Variants in DNAH14 observed in about 807,000 individuals in gnomAD.
DNAH14 encodes the protein dynein axonemal heavy chain 14.
In DNAH14, 478 loss-of-function variants were observed where a neutral mutation model predicts 520.9. That is an observed-to-expected ratio of 0.92 (90% CI 0.85 to 0.99). DNAH14 has a LOEUF of 0.99. DNAH14 is among the 50% of genes least tolerant of loss of function. The pLI is 0.00. For missense variants in DNAH14, 4,831 were observed against 5,234.5 expected (o/e 0.92, Z 2.38); for synonymous variants, 1,581 against 1,757.2 (o/e 0.90, Z 2.51).
chr1:225,381,526 T>C lies in DNAH14; in HGVS notation c.13024T>C (p.Leu4342=). 1 of 1,546,952 alleles carries C rather than the reference T, an allele frequency of 6.5e-7. No individual in the cohort carries two copies. Among genetic ancestry groups the C allele is most frequent in the Non-Finnish European group, 8.7e-7 (1 of 1,145,798 alleles). The change falls in exon 81 of 86, where the codon TTG becomes CTG. Residue 4342 remains leucine, a synonymous_variant. Transcript: ENST00000682510. ...AGGAGAGATCATCCTCACCCAAGAA[T>C]TGGAGGAAATATTTAACTCTTTTCT... The part of the protein sequence containing the change: ...IKGEIILTQE[L]EEIFNSFLNM...
intron 58 of DNAH14, 85 bp from the exon 59 acceptor site, chr1:225,307,376 G>A (rs1315900675): frequency 4.2e-6 from 4 of 951,068 alleles, no homozygotes; most frequent in South Asian, 3.4e-5. Context: ...CCATAATTTG[G>A]TGTAATTCTT....
chr1:225,040,400 T>C (rs1015134694), intron 12 of DNAH14, among the ~76,000 whole-genome samples: 1 of 152,360 alleles, frequency 6.6e-6, no homozygotes, highest in South Asian at 2.1e-4. Context: ...GTGGTAGGAA[T>C]CTTGAGTAAT....
At chr1:224,952,126 G>C (rs78436716) in intron 1 of DNAH14, among the ~76,000 whole-genome samples, 1,669 of 152,178 alleles carry the variant, frequency 0.011, 17 homozygotes, top group Non-Finnish European at 0.016. Context: ...ACTTTATTTA[G>C]AGACTTTCTG....
At chr1:224,941,948 C>T (rs1228008474) in intron 1 of DNAH14, among the ~76,000 whole-genome samples, 1 of 152,186 alleles carries the variant, frequency 6.6e-6, no homozygotes, top group African/African-American at 2.4e-5. Context: ...AGCGTGATGC[C>T]TCCAGCTTTG....
At chr1:225,123,988 G>A (rs1037933119) in intron 27 of DNAH14, among the ~76,000 whole-genome samples, 1 of 151,794 alleles carries the variant, frequency 6.6e-6, no homozygotes, top group Non-Finnish European at 1.5e-5. Context: ...CCTGACCTCA[G>A]GTGATCTGCC....
chr1:225,367,677 C>T (rs2095570596), intron 76 of DNAH14, 128 bp from the exon 77 acceptor site: 1 of 665,024 alleles, frequency 1.5e-6, no homozygotes, highest in Non-Finnish European at 2.5e-6. Context: ...TTTGGATTTG[C>T]CAGTGAATCT....
intron 64 of DNAH14, among the ~76,000 whole-genome samples, chr1:225,330,991 T>A (rs544256758): frequency 2.0e-5 from 3 of 152,286 alleles, no homozygotes; most frequent in African/African-American, 7.2e-5. Flanking sequence ...TATGAAAATA[T>A]GTTTTCCACT....
At chr1:225,175,282 C>T (rs1168824187) in intron 36 of DNAH14, among the ~76,000 whole-genome samples, 4 of 152,176 alleles carry the variant, frequency 2.6e-5, no homozygotes, top group Non-Finnish European at 5.9e-5. Context: ...GTGAAGCCAT[C>T]ACATCCTGGG....
intron 39 of DNAH14, 69 bp downstream of exon 39, chr1:225,204,342 T>A: frequency 1.1e-6 from 1 of 886,604 alleles, no homozygotes. Flanking sequence ...ATGAGCTATA[T>A]TTATATGTTT....
At chr1:225,154,074 G>A (rs572976715) in intron 34 of DNAH14, among the ~76,000 whole-genome samples, 26 of 151,758 alleles carry the variant, frequency 1.7e-4, no homozygotes, top group African/African-American at 6.0e-4. Context: ...AGATATAATG[G>A]AAAAAAAGAC....
chr1:225,168,691 G>A (rs997948549), intron 36 of DNAH14, among the ~76,000 whole-genome samples: 2 of 152,212 alleles, frequency 1.3e-5, no homozygotes, highest in East Asian at 1.9e-4. Context: ...GCTCAAGGAG[G>A]CCTGCCTGCC....
chr1:225,190,852 A>G (rs2085333338), intron 37 of DNAH14, among the ~76,000 whole-genome samples: 1 of 152,010 alleles, frequency 6.6e-6, no homozygotes, highest in African/African-American at 2.4e-5. Flanking sequence ...TTTGTTGTTT[A>G]AGTTACCCAG....
intron 44 of DNAH14, among the ~76,000 whole-genome samples, chr1:225,256,678 AG>A (rs2092748481): frequency 6.6e-6 from 1 of 152,204 alleles, no homozygotes; most frequent in Admixed American, 6.5e-5. Context: ...ACCACATTAT[AG>A]GTGTGGTGAG....
intron 5 of DNAH14, among the ~76,000 whole-genome samples, 196 bp from the exon 6 acceptor site, chr1:224,967,235 A>G (rs2061233594): frequency 6.6e-6 from 1 of 152,058 alleles, no homozygotes; most frequent in Admixed American, 6.6e-5. Context: ...AATATATTAA[A>G]TCTTTCATAA....
At chr1:225,306,355 A>G (rs2094241410) in intron 58 of DNAH14, among the ~76,000 whole-genome samples, 1 of 152,194 alleles carries the variant, frequency 6.6e-6, no homozygotes, top group African/African-American at 2.4e-5. Context: ...TTCTGTTTCA[A>G]GGAGAGGCTG....
intron 41 of DNAH14, among the ~76,000 whole-genome samples, chr1:225,208,185 T>G (rs2087845614): frequency 6.6e-6 from 1 of 151,944 alleles, no homozygotes; most frequent in Non-Finnish European, 1.5e-5. Context: ...CACACACAAG[T>G]GACCTGCTTT....
chr1:225,205,846 T>C lies in DNAH14; in HGVS notation c.5978-125T>C. 7 of 717,330 alleles carry C rather than the reference T, an allele frequency of 9.8e-6. No individual in the cohort carries two copies. In the South Asian group the frequency reaches 1.3e-4, roughly 14 times the overall value. The allele number at this position is 717,330 out of a possible 1,614,324, so 44.4% of individuals were successfully genotyped here. A position where few individuals can be genotyped will look rare whatever the true frequency, so the allele number is the denominator to read the frequency against. On this transcript the variant is annotated intron_variant, in intron 39 of 85. Transcript: ENST00000682510. ...GGACTACATATAAACACATTCACTCTAGTGTTTTCTAGGATATCTTTCCTC... is the reference window on the plus strand; with the variant it reads ...GGACTACATATAAACACATTCACTCCAGTGTTTTCTAGGATATCTTTCCTC...
chr1:225,131,681 A>G (rs914113031), intron 27 of DNAH14, among the ~76,000 whole-genome samples: 1 of 152,222 alleles, frequency 6.6e-6, no homozygotes, highest in African/African-American at 2.4e-5. Context: ...ATATCTTTGT[A>G]GAGAGCCATT....
intron 8 of DNAH14, among the ~76,000 whole-genome samples, chr1:224,999,203 TTTTTG>T (rs1012990552): frequency 3.9e-5 from 6 of 152,174 alleles, no homozygotes; most frequent in African/African-American, 1.2e-4. Flanking sequence ...TTTGTTTGTT[TTTTTG>T]TTTTGTTTTG....
Sources: gnomAD v4.1 joint callset for allele counts (sites outside exome capture counted in the v4.1 genomes callset) on GRCh38, gnomAD v4.1.1 for gene constraint, MANE v1.5 for transcripts, NCBI Gene and HGNC (gene_info 2026-07-23, HGNC 2026-07-21) for gene names.